Variants in TBC1D22A observed in about 807,000 individuals in gnomAD.
TBC1D22A encodes TBC1 domain family member 22A, also known as putative GTPase activator.
In TBC1D22A, 38 loss-of-function variants were observed where a neutral mutation model predicts 60.2. The ratio of observed to expected loss-of-function variants is 0.63; its 90% CI spans 0.49 to 0.83. TBC1D22A has a LOEUF of 0.83. Among genes scored for constraint, TBC1D22A ranks in the 40% least tolerant of loss-of-function variants. TBC1D22A has a pLI of 0.00. For missense variants in TBC1D22A, 628 were observed against 701.0 expected (o/e 0.90, Z 1.18); for synonymous variants, 302 against 281.7 (o/e 1.07, Z -0.72).
intron 8 of TBC1D22A, among the ~76,000 whole-genome samples, chr22:46,917,329 G>A (rs2070435408): frequency 6.6e-6 from 1 of 152,186 alleles, no homozygotes; most frequent in Admixed American, 6.5e-5. Flanking sequence ...GGGTACAGGA[G>A]CAGGCCCAGA....
intron 12 of TBC1D22A, among the ~76,000 whole-genome samples, chr22:47,146,102 C>T (rs888239200): frequency 3.4e-5 from 5 of 147,710 alleles, no homozygotes; most frequent in African/African-American, 7.6e-5. Flanking sequence ...CTGGGGGCCG[C>T]GGCGCGGGGA....
intron 10 of TBC1D22A, among the ~76,000 whole-genome samples, chr22:47,026,633 TTGAA>T (rs998987161): frequency 1.2e-4 from 19 of 152,112 alleles, no homozygotes; most frequent in Non-Finnish European, 2.4e-4. Context: ...GAAATTGAAA[TTGAA>T]TGAGCAATAC....
chr22:47,039,908 A>G (rs2062780739), intron 11 of TBC1D22A, among the ~76,000 whole-genome samples: 8 of 138,838 alleles, frequency 5.8e-5, no homozygotes, highest in Admixed American at 5.0e-4. Context: ...CTGGAGCAGG[A>G]GCAAGGCGTC....
chr22:47,130,839 G>A (rs975977781), intron 12 of TBC1D22A, among the ~76,000 whole-genome samples: 6 of 152,120 alleles, frequency 3.9e-5, no homozygotes, highest in Non-Finnish European at 7.3e-5. Flanking sequence ...CCTTATTTCC[G>A]ACCTTATCTT....
chr22:47,004,000 A>T (rs2148266995), intron 10 of TBC1D22A, among the ~76,000 whole-genome samples: 1 of 148,348 alleles, frequency 6.7e-6, no homozygotes, highest in Non-Finnish European at 1.5e-5. Flanking sequence ...CTGTATACAC[A>T]CACCCTACGC....
chr22:46,871,334 G>T (rs1179087252), intron 4 of TBC1D22A, among the ~76,000 whole-genome samples: 1 of 152,216 alleles, frequency 6.6e-6, no homozygotes, highest in African/African-American at 2.4e-5. Flanking sequence ...GTAAAGTGTA[G>T]AAGATTAGAA....
At chr22:46,987,403 C>T (rs1440158162) in intron 9 of TBC1D22A, among the ~76,000 whole-genome samples, 2 of 152,140 alleles carry the variant, frequency 1.3e-5, no homozygotes. Context: ...ATTTTCTGTA[C>T]ACGATGATGT....
At chr22:46,931,224 C>T (rs2071341043) in intron 8 of TBC1D22A, among the ~76,000 whole-genome samples, 1 of 152,220 alleles carries the variant, frequency 6.6e-6, no homozygotes, top group Non-Finnish European at 1.5e-5. Flanking sequence ...AGTTCTTATT[C>T]ATTTGAATCT....
intron 8 of TBC1D22A, chr22:46,914,043 C>T (rs1602457937): frequency 2.6e-5 from 4 of 152,898 alleles, no homozygotes; most frequent in Admixed American, 2.6e-4. Context: ...CACATGCACA[C>T]ATCAGAACAC....
At chr22:46,997,825 C>A in intron 10 of TBC1D22A, 116 bp downstream of exon 10, 1 of 827,844 alleles carries the variant, frequency 1.2e-6, no homozygotes, top group Non-Finnish European at 2.0e-6. Flanking sequence ...GCTCAGGATC[C>A]CTCATGGGCA....
At chr22:46,828,117 C>T (rs983360574) in intron 4 of TBC1D22A, among the ~76,000 whole-genome samples, 7 of 152,190 alleles carry the variant, frequency 4.6e-5, no homozygotes, top group African/African-American at 9.6e-5. Context: ...TCCACACTCC[C>T]GTGCCTTCCA....
intron 11 of TBC1D22A, among the ~76,000 whole-genome samples, chr22:47,083,204 A>G (rs1450707922): frequency 1.4e-5 from 2 of 146,974 alleles, no homozygotes; most frequent in Non-Finnish European, 3.0e-5. Flanking sequence ...ACATTTATAT[A>G]TCTTGATAGG....
At chr22:46,981,021 A>C (rs982021186) in intron 9 of TBC1D22A, among the ~76,000 whole-genome samples, 1 of 152,262 alleles carries the variant, frequency 6.6e-6, no homozygotes, top group Non-Finnish European at 1.5e-5. Flanking sequence ...GTAGAAAGGA[A>C]ATGCAACAGA....
chr22:47,035,452 T>C (rs1258376993), intron 10 of TBC1D22A, among the ~76,000 whole-genome samples: 2 of 152,304 alleles, frequency 1.3e-5, no homozygotes, highest in Admixed American at 6.5e-5. Context: ...GCTGTTCTGC[T>C]CCACCCAGTT....
intron 6 of TBC1D22A, among the ~76,000 whole-genome samples, chr22:46,894,428 T>C (rs1191763637): frequency 6.6e-6 from 1 of 152,214 alleles, no homozygotes; most frequent in African/African-American, 2.4e-5. Flanking sequence ...AAACTATTGA[T>C]GTACTTGAAT....
intron 8 of TBC1D22A, among the ~76,000 whole-genome samples, chr22:46,936,269 G>C (rs906713208): frequency 6.6e-6 from 1 of 152,136 alleles, no homozygotes; most frequent in South Asian, 2.1e-4. Flanking sequence ...TCCTCCTGGG[G>C]CCAGGCTCCT....
intron 10 of TBC1D22A, among the ~76,000 whole-genome samples, chr22:47,034,666 C>G (rs2062598488): frequency 6.6e-6 from 1 of 152,238 alleles, no homozygotes; most frequent in African/African-American, 2.4e-5. Context: ...AGCCCAACAC[C>G]TTTCAGAAGT....
At chr22:47,106,129 C>T (rs1351182287) in intron 11 of TBC1D22A, among the ~76,000 whole-genome samples, 2 of 151,864 alleles carry the variant, frequency 1.3e-5, no homozygotes, top group Non-Finnish European at 2.9e-5. Context: ...AAGTACTTGT[C>T]CCAGAAAGAC....
At chr22:46,825,934 G>A (rs1376045920) in intron 4 of TBC1D22A, among the ~76,000 whole-genome samples, 2 of 150,018 alleles carry the variant, frequency 1.3e-5, no homozygotes, top group Non-Finnish European at 3.0e-5. Flanking sequence ...CCAGGCTGGA[G>A]TACAGTGGCG....
Sources: allele counts gnomAD v4.1 joint callset (sites outside exome capture counted in the v4.1 genomes callset), GRCh38; gene constraint gnomAD v4.1.1; transcripts MANE v1.5; gene names NCBI Gene and HGNC (gene_info 2026-07-23, HGNC 2026-07-21).